Variants in IL4R observed in about 807,000 individuals in gnomAD.
IL4R encodes the protein interleukin-4 receptor subunit alpha.
IL4R carries 17 observed loss-of-function variants against 41.5 expected under a neutral mutation model. That is an observed-to-expected ratio of 0.41 (90% confidence interval 0.28 to 0.61). The LOEUF (loss-of-function observed/expected upper bound fraction) is 0.61, where lower values mean the gene tolerates loss of function less well. Ranked by LOEUF, IL4R falls within the 20% of genes least tolerant of loss-of-function variation. The pLI is 0.31. For missense variants in IL4R, 974 were observed against 1,043.1 expected, an observed-to-expected ratio of 0.93 and a Z score of 0.91; for synonymous variants, 402 against 422.9, an observed-to-expected ratio of 0.95 and a Z score of 0.61.
At position 27,362,838 on chromosome 16, in the gene IL4R, G is replaced by A. The variant is rs779720475; in HGVS notation, c.1486G>A (p.Ala496Thr). The A allele has an allele frequency of 6.2e-7, 1 of 1,614,082 alleles. No homozygotes were observed. The highest frequency in any genetic ancestry group is 2.2e-5 in the East Asian group (1 of 44,870). ...ETPLVIAGNP[A>T]YRSFSNSLSQ... ...GCCCCTCGTCATCGCAGGCAACCCT[G>A]CTTACCGCAGCTTCAGCAACTCCCT... Residue 496 changes from alanine to threonine, a missense_variant, in exon 11 of 11, where the codon GCT becomes ACT. Ala to Thr is a moderately conservative substitution (Grantham distance 58). Coordinates refer to ENST00000395762, the MANE Select transcript of IL4R (RefSeq NM_000418.4).
intron 4 of IL4R, among the ~76,000 whole-genome samples, chr16:27,343,660 T>A (rs1224762255): frequency 1.3e-5 from 2 of 152,124 alleles, no homozygotes; most frequent in African/African-American, 4.8e-5. Context: ...ACTCCTGAAC[T>A]CAGGTGATCC....
intron 2 of IL4R, among the ~76,000 whole-genome samples, chr16:27,337,355 G>A (rs2085290934): frequency 6.6e-6 from 1 of 152,074 alleles, no homozygotes; most frequent in Admixed American, 6.6e-5. Context: ...AGCCTGTGAG[G>A]TTAGCCTTGG....
chr16:27,355,795 C>T lies in IL4R; in HGVS notation c.671-13C>T, dbSNP rs1300781698. The T allele has an allele frequency of 6.3e-7, 1 of 1,598,612 alleles. No individual in the cohort carries two copies. The highest frequency in any genetic ancestry group is 8.6e-7 in the Non-Finnish European group (1 of 1,167,176). ...GGCTGACCTCAGCTCATGGCTTCCC[C>T]TCCCACTTCCAGCCTACAGGGAGCC... On this transcript the variant is annotated splice_polypyrimidine_tract_variant and intron_variant, in intron 7 of 10. Transcript: ENST00000395762.
At chr16:27,360,909 C>T in intron 10 of IL4R, 94 bp downstream of exon 10, 3 of 1,609,786 alleles carry the variant, frequency 1.9e-6, no homozygotes, top group Middle Eastern at 1.7e-4. Flanking sequence ...CCTTCTCTTC[C>T]CTGCATTCGG....
intron 1 of IL4R, among the ~76,000 whole-genome samples, chr16:27,317,597 G>C (rs2084684814): frequency 6.6e-6 from 1 of 152,160 alleles, no homozygotes; most frequent in Admixed American, 6.5e-5. Flanking sequence ...GGGATCCACT[G>C]TCAGACCGGG....
At position 27,362,901 on chromosome 16, in the gene IL4R, C is replaced by A; in HGVS notation, c.1549C>A (p.Pro517Thr). The A allele has an allele frequency of 6.2e-7, 1 of 1,614,168 alleles. No individual in the cohort carries two copies. Among genetic ancestry groups the A allele is most frequent in the Non-Finnish European group, 8.5e-7 (1 of 1,180,028 alleles). ...SPCPRELGPD[P>T]LLARHLEEVE... is the part of the protein sequence containing the mutation. The stretch of plus-strand genomic sequence containing the variant: ...GTGTCCCAGAGAGCTGGGTCCAGAC[C>A]CACTGCTGGCCAGACACCTGGAGGA... Residue 517 changes from proline (P) to threonine (T), a missense_variant, in exon 11 of 11, where the codon CCA becomes ACA. Physicochemically the swap from Pro to Thr is conservative, Grantham distance 38. This residue lies in a region of IL4R where 682 missense variants were observed against 704.3 expected (regional missense o/e 0.97). Transcript: ENST00000395762.
chr16:27,363,458 C>T lies in IL4R; in HGVS notation c.2106C>T (p.Pro702=). The T allele has an allele frequency of 6.2e-7, 1 of 1,614,124 alleles. No individual in the cohort carries two copies. The highest frequency in any genetic ancestry group is 1.1e-5 in the South Asian group (1 of 91,074). ...PPLPQEQATD[P]LVDSLGSGIV... is the part of the protein sequence containing the mutation. ...TTCCCCAGGAGCAGGCCACAGACCC[C>T]CTTGTGGACAGCCTGGGCAGTGGCA... Residue 702 remains proline (P), a synonymous_variant, in exon 11 of 11, where the codon CCC becomes CCT. Transcript: ENST00000395762.
chr16:27,337,008 C>T (rs2085280343), intron 2 of IL4R, among the ~76,000 whole-genome samples: 2 of 151,838 alleles, frequency 1.3e-5, no homozygotes, highest in South Asian at 2.1e-4. Flanking sequence ...ACCTGGGAGG[C>T]GGAGGTTGCA....
intron 2 of IL4R, chr16:27,334,245 A>G (rs2141105260): frequency 6.6e-6 from 1 of 152,228 alleles, no homozygotes; most frequent in Admixed American, 6.5e-5. Flanking sequence ...CTTGAACGCG[A>G]TAACCTGGCA....
rs1370570171 is a variant in IL4R, at chr16:27,362,858, C to A, written c.1506C>A (p.Asn502Lys). ...ACCCTGCTTACCGCAGCTTCAGCAA[C>A]TCCCTGAGCCAGTCACCGTGTCCCA... ...AGNPAYRSFSNSLSQSPCPRE... is the reference protein window; with the variant it reads ...AGNPAYRSFSKSLSQSPCPRE... Residue 502 changes from asparagine to lysine, a missense_variant, in exon 11 of 11, where the codon AAC becomes AAA. Transcript: ENST00000395762. 1 of 1,614,182 alleles carries A rather than the reference C, an allele frequency of 6.2e-7. No homozygotes were observed. The highest frequency in any genetic ancestry group is 8.5e-7 in the Non-Finnish European group (1 of 1,180,048).
At chr16:27,323,967 C>CT (rs201322023) in intron 1 of IL4R, among the ~76,000 whole-genome samples, 2,261 of 152,044 alleles carry the variant, frequency 0.015, 50 homozygotes, top group African/African-American at 0.051. Flanking sequence ...CCTTCAAGTG[C>CT]TTTTTTTTGT....
At chr16:27,360,696 G>A in intron 9 of IL4R, 70 bp from the exon 10 acceptor site, 2 of 1,600,464 alleles carry the variant, frequency 1.2e-6, no homozygotes, top group Non-Finnish European at 1.7e-6. Context: ...ACCCCTTCCT[G>A]AGCATTGCCG....
chr16:27,356,196 A>G (rs1311738374), intron 8 of IL4R, among the ~76,000 whole-genome samples: 1 of 150,630 alleles, frequency 6.6e-6, no homozygotes, highest in African/African-American at 2.5e-5. Context: ...GGTTCAAGCA[A>G]TTCTTCTGCC....
chr16:27,351,671 C>T (rs189070073), intron 6 of IL4R, among the ~76,000 whole-genome samples: 78 of 152,126 alleles, frequency 5.1e-4, no homozygotes, highest in African/African-American at 1.6e-3. Flanking sequence ...CCCGCCACCA[C>T]ACCCAGCTAA....
chr16:27,359,059 C>T (rs1021598623), intron 9 of IL4R, 65 bp downstream of exon 9: 1 of 1,279,296 alleles, frequency 7.8e-7, no homozygotes, highest in Non-Finnish European at 1.1e-6. Flanking sequence ...TTCAGAACAC[C>T]TGGGCTGTTA....
chr16:27,362,978 G>T lies in IL4R; in HGVS notation c.1626G>T (p.Val542=). The T allele has an allele frequency of 6.2e-7, 1 of 1,614,100 alleles. No homozygotes were observed. The highest frequency in any genetic ancestry group is 8.5e-7 in the Non-Finnish European group (1 of 1,180,032). Residue 542 remains valine (V), a synonymous_variant, in exon 11 of 11, where the codon GTG becomes GTT. Transcript: ENST00000395762. ...CVPQLSEPTT[V]PQPEPETWEQ... is the part of the protein sequence containing the mutation. ...CCCAGCTCTCTGAGCCAACCACTGT[G>T]CCCCAACCTGAGCCAGAAACCTGGG...
intron 2 of IL4R, among the ~76,000 whole-genome samples, chr16:27,331,885 T>C (rs2141097067): frequency 6.6e-6 from 1 of 152,294 alleles, no homozygotes; most frequent in African/African-American, 2.4e-5. Context: ...CCTTTGTTGT[T>C]AGTTGCCTAC....
intron 2 of IL4R, among the ~76,000 whole-genome samples, chr16:27,335,266 G>A (rs575648657): frequency 9.9e-5 from 15 of 152,202 alleles, no homozygotes; most frequent in South Asian, 2.1e-4. Context: ...GTATTGTAAC[G>A]TTCATTGATA....
chr16:27,349,995 C>A (rs989779354), intron 6 of IL4R, among the ~76,000 whole-genome samples: 4 of 152,164 alleles, frequency 2.6e-5, no homozygotes, highest in Non-Finnish European at 5.9e-5. Context: ...AAGTGATCCC[C>A]CTGGCTCAGC....
Sources: allele counts gnomAD v4.1 joint callset (sites outside exome capture counted in the v4.1 genomes callset), GRCh38; gene constraint gnomAD v4.1.1; regional missense constraint gnomAD v4.1.1; transcripts MANE v1.5; gene names NCBI Gene and HGNC (gene_info 2026-07-23, HGNC 2026-07-21).